PDE1C: variants seen among roughly 807,000 people sequenced by gnomAD.
PDE1C encodes the protein dual specificity calcium/calmodulin-dependent 3',5'-cyclic nucleotide phosphodiesterase 1C.
A neutral mutation model predicts 93.1 loss-of-function variants in PDE1C; 62 were observed. That is an observed-to-expected ratio of 0.67 (90% CI 0.54 to 0.82). The LOEUF is 0.82. PDE1C is among the 40% of genes least tolerant of loss of function. The probability of loss-of-function intolerance (pLI) is 0.00; values close to 1 mark genes in which losing one functional copy is unlikely to be tolerated. For missense variants in PDE1C, 742 were observed against 884.6 expected, an observed-to-expected ratio of 0.84 and a Z score of 2.04; for synonymous variants, 325 against 310.1, an observed-to-expected ratio of 1.05 and a Z score of -0.50.
chr7:32,170,991 T>G (rs1020113031), intron 2 of PDE1C, among the ~76,000 whole-genome samples: 1 of 151,952 alleles, frequency 6.6e-6, no homozygotes, highest in Non-Finnish European at 1.5e-5. Flanking sequence ...AACTAGCCAG[T>G]CCCAACCCTG....
intron 2 of PDE1C, among the ~76,000 whole-genome samples, chr7:31,992,808 C>T (rs1784290186): frequency 6.6e-6 from 1 of 152,074 alleles, no homozygotes; most frequent in South Asian, 2.1e-4. Flanking sequence ...TTGTTCATTG[C>T]CACACAGAGA....
chr7:31,790,227 A>G (rs779575509), intron 16 of PDE1C: 4 of 1,612,592 alleles, frequency 2.5e-6, no homozygotes, highest in African/African-American at 1.3e-5. Context: ...AGCCTCTTTT[A>G]TTGTCTATGA....
intron 2 of PDE1C, among the ~76,000 whole-genome samples, chr7:31,967,511 A>C (rs1810202327): frequency 1.3e-5 from 2 of 152,252 alleles, no homozygotes; most frequent in South Asian, 4.1e-4. Flanking sequence ...ATGGATTCAC[A>C]GCCAAATTCT....
chr7:31,978,322 G>T (rs1276001347), intron 2 of PDE1C, among the ~76,000 whole-genome samples: 2 of 152,142 alleles, frequency 1.3e-5, no homozygotes, highest in Admixed American at 1.3e-4. Flanking sequence ...GTGTTTAGAG[G>T]ATGTACATTT....
chr7:31,808,567 T>C (rs1002532248), intron 16 of PDE1C, among the ~76,000 whole-genome samples: 2 of 151,944 alleles, frequency 1.3e-5, no homozygotes, highest in Non-Finnish European at 2.9e-5. Flanking sequence ...ATTAGCACTA[T>C]AAAGACCCCT....
intron 2 of PDE1C, among the ~76,000 whole-genome samples, chr7:31,887,120 T>G (rs1798051512): frequency 1.3e-5 from 2 of 152,170 alleles, no homozygotes; most frequent in Admixed American, 6.5e-5. Context: ...ATCAGGCTGG[T>G]CTGATACTCT....
chr7:32,223,373 T>G (rs983894430), intron 1 of PDE1C, among the ~76,000 whole-genome samples: 1 of 152,290 alleles, frequency 6.6e-6, no homozygotes, highest in East Asian at 1.9e-4. Context: ...AGAGCTATTG[T>G]TATCCCCACT....
At chr7:31,814,413 C>A (rs139068446) in intron 15 of PDE1C, among the ~76,000 whole-genome samples, 2 of 152,054 alleles carry the variant, frequency 1.3e-5, no homozygotes, top group Admixed American at 1.3e-4. Context: ...CCTTCTGTGC[C>A]TCCTAGGGTG....
intron 1 of PDE1C, among the ~76,000 whole-genome samples, chr7:32,315,615 T>C (rs1227617781): frequency 6.6e-6 from 1 of 152,208 alleles, no homozygotes; most frequent in African/African-American, 2.4e-5. Flanking sequence ...AGCATGCTCA[T>C]AATTAGAAAA....
intron 11 of PDE1C, among the ~76,000 whole-genome samples, chr7:31,836,216 T>C (rs745998132): frequency 3.3e-5 from 5 of 152,236 alleles, no homozygotes; most frequent in Non-Finnish European, 7.3e-5. Context: ...GGTTAGCACA[T>C]GTGCCTGAGT....
intron 2 of PDE1C, among the ~76,000 whole-genome samples, chr7:32,009,955 T>C (rs1385651063): frequency 6.6e-6 from 1 of 152,212 alleles, no homozygotes; most frequent in African/African-American, 2.4e-5. Flanking sequence ...TCTGAAATGC[T>C]AATAAATCTA....
rs78475296 is a variant in PDE1C at position 31,840,861 on chromosome 7, G to C, written c.981-2890C>G. Among the ~76,000 whole-genome samples the C allele has an allele frequency of 2.0e-3, 308 of 152,018 alleles. 7 individuals carry two copies. The East Asian group carries it at 0.049, about 24-fold the overall frequency. On this transcript the variant is annotated intron_variant, in intron 9 of 17. Transcript: ENST00000396191. Reference sequence around the variant, plus strand: ...CAAGAAATATGAGTCCTCTAACCTTGTTCTTCATTTAAAAAGTATTATTTG... The same window carrying C: ...CAAGAAATATGAGTCCTCTAACCTTCTTCTTCATTTAAAAAGTATTATTTG...
the PDE1C span, among the ~76,000 whole-genome samples, chr7:31,645,622 T>A: frequency 6.6e-6 from 1 of 152,130 alleles, no homozygotes; most frequent in Non-Finnish European, 1.5e-5. Flanking sequence ...ACCACCATCA[T>A]CATTATTTAC....
chr7:32,349,023 G>T (rs1783906855), intron 1 of PDE1C, among the ~76,000 whole-genome samples: 1 of 152,208 alleles, frequency 6.6e-6, no homozygotes, highest in Non-Finnish European at 1.5e-5. Flanking sequence ...CCAACAGAGG[G>T]TGTCTAGCCA....
intron 1 of PDE1C, among the ~76,000 whole-genome samples, chr7:32,225,202 C>T (rs934631224): frequency 5.9e-5 from 9 of 152,130 alleles, no homozygotes; most frequent in Non-Finnish European, 7.3e-5. Context: ...CACTGAATGA[C>T]GTTAAGGGGT....
At chr7:31,624,839 C>T in the PDE1C span, among the ~76,000 whole-genome samples, 2 of 152,000 alleles carry the variant, frequency 1.3e-5, no homozygotes, top group South Asian at 2.1e-4. Context: ...ACAGGCAACC[C>T]ACAAAATGGG....
chr7:32,417,067 C>T (rs748432127), intron 1 of PDE1C, among the ~76,000 whole-genome samples: 1 of 152,150 alleles, frequency 6.6e-6, no homozygotes, highest in Non-Finnish European at 1.5e-5. Flanking sequence ...GCTGCCACCT[C>T]CCTCAGAACA....
intron 2 of PDE1C, among the ~76,000 whole-genome samples, chr7:32,207,716 G>A (rs566695309): frequency 6.6e-6 from 1 of 152,206 alleles, no homozygotes; most frequent in East Asian, 1.9e-4. Context: ...CCTGTCTCAA[G>A]ATAATAAGCT....
At chr7:32,393,023 T>C (rs1784777515) in intron 1 of PDE1C, among the ~76,000 whole-genome samples, 2 of 111,680 alleles carry the variant, frequency 1.8e-5, no homozygotes, top group Non-Finnish European at 1.6e-5. Context: ...CACTCCAGCC[T>C]GGGCAACAGA....
Sources: allele counts gnomAD v4.1 joint callset (sites outside exome capture counted in the v4.1 genomes callset), GRCh38; gene constraint gnomAD v4.1.1; transcripts MANE v1.5; gene names NCBI Gene and HGNC (gene_info 2026-07-23, HGNC 2026-07-21).